Variants in PRKAB1 observed in about 807,000 individuals in gnomAD.
PRKAB1 encodes protein kinase AMP-activated non-catalytic subunit beta 1.
A neutral mutation model predicts 32.0 loss-of-function variants in PRKAB1; 18 were observed. That is an observed-to-expected ratio of 0.56 (90% confidence interval 0.39 to 0.83). PRKAB1 has a LOEUF of 0.83. Ranked by LOEUF, PRKAB1 falls within the 40% of genes least tolerant of loss-of-function variation. The probability of loss-of-function intolerance (pLI) is 0.00; values close to 1 mark genes in which losing one functional copy is unlikely to be tolerated. For missense variants in PRKAB1, 263 were observed against 352.6 expected, an observed-to-expected ratio of 0.75 and a Z score of 2.03; for synonymous variants, 141 against 141.4, an observed-to-expected ratio of 1.00 and a Z score of 0.02.
In PRKAB1 at chr12:119,671,082, G is replaced by A. The variant is rs577376155; in HGVS notation, c.160-1219G>A. Among the ~76,000 whole-genome samples, 7 of 152,232 alleles carry A rather than the reference G, an allele frequency of 4.6e-5. 1 individual carries two copies. Among genetic ancestry groups the A allele is most frequent in the African/African-American group, 1.7e-4 (7 of 41,526 alleles). ...TTATTCTGGAATACCTCAGTTATAC[G>A]GAGCTTACCACACTGGAGGTTATCA... On this transcript the variant is annotated intron_variant, in intron 1 of 6. Transcript: ENST00000229328.
Position 119,679,644 on chromosome 12 carries a change from C to A in PRKAB1, c.667-289C>A. 1 of 439,042 alleles carries A rather than the reference C, an allele frequency of 2.3e-6. No individual in the cohort carries two copies. Among genetic ancestry groups the A allele is most frequent in the South Asian group, 2.1e-5 (1 of 47,236 alleles). The allele number at this position is 439,042 out of a possible 1,614,324, so 27.2% of individuals were successfully genotyped here. The stretch of plus-strand genomic sequence containing the variant: ...AGCTGCTTTCTTCCTGCCCCACCCT[C>A]CATAAGAGGACAGGGCCGTGGCCCA... On this transcript the variant is annotated intron_variant, in intron 5 of 6. Coordinates refer to ENST00000229328, the MANE Select transcript of PRKAB1 (RefSeq NM_006253.5). This position sits in a 1 kb window ranked among gnomAD's most constrained non-coding sequence, Gnocchi z 4.1.
rs1008390638 is a variant in PRKAB1 at position 119,679,662 on chromosome 12, G to A, written c.667-271G>A. The A allele has an allele frequency of 2.3e-5, 11 of 469,544 alleles. No homozygotes were observed. Among genetic ancestry groups the A allele is most frequent in the Admixed American group, 6.7e-5 (2 of 29,824 alleles). 29.1% of individuals were successfully genotyped at this position (469,544 alleles called of 1,614,324 possible). On this transcript the variant is annotated intron_variant, in intron 5 of 6. Coordinates refer to ENST00000229328, the MANE Select transcript of PRKAB1 (RefSeq NM_006253.5). The surrounding 1 kb of genome is among the most constrained non-coding windows in gnomAD (Gnocchi z 4.1). Reference sequence around the variant, plus strand: ...CCACCCTCCATAAGAGGACAGGGCCGTGGCCCACACTTGAAAGAGGCCGGG... The same window carrying A: ...CCACCCTCCATAAGAGGACAGGGCCATGGCCCACACTTGAAAGAGGCCGGG...
rs1335485675 is a variant in PRKAB1 at position 119,679,684 on chromosome 12, C to T, written c.667-249C>T. On this transcript the variant is annotated intron_variant, in intron 5 of 6. Transcript: ENST00000229328. The surrounding 1 kb of genome is among the most constrained non-coding windows in gnomAD (Gnocchi z 4.1). Reference sequence around the variant, plus strand: ...GCCGTGGCCCACACTTGAAAGAGGCCGGGGTAAATGCCTGGCCAGAGACAC... The same window carrying T: ...GCCGTGGCCCACACTTGAAAGAGGCTGGGGTAAATGCCTGGCCAGAGACAC... The T allele has an allele frequency of 9.9e-6, 5 of 503,770 alleles. No homozygotes were observed. The highest frequency in any genetic ancestry group is 4.0e-5 in the South Asian group (2 of 49,566). 31.2% of individuals were successfully genotyped at this position (503,770 alleles called of 1,614,324 possible). A position where few individuals can be genotyped will look rare whatever the true frequency, so the allele number is the denominator to read the frequency against.
rs1955407753 is a variant in PRKAB1, at chr12:119,674,341, C to T, written c.419C>T (p.Pro140Leu). The T allele has an allele frequency of 6.2e-7, 1 of 1,609,188 alleles. No homozygotes were observed. The highest frequency in any genetic ancestry group is 8.5e-7 in the Non-Finnish European group (1 of 1,175,700). ...TTCTGCCTATCTGTCTCTTCCCAGCCCATAGTAACCAGCCAGCTTGGCACA... is the reference window on the plus strand; with the variant it reads ...TTCTGCCTATCTGTCTCTTCCCAGCTCATAGTAACCAGCCAGCTTGGCACA... The part of the protein sequence containing the change: ...DGQWTHDPSE[P>L]IVTSQLGTVN... Residue 140 changes from proline to leucine, a missense_variant and splice_region_variant, in exon 4 of 7, where the codon CCC becomes CTC. Transcript: ENST00000229328. This position sits in a 1 kb window ranked among gnomAD's most constrained non-coding sequence, Gnocchi z 4.3.
chr12:119,677,387 G>C (rs1955433197), intron 5 of PRKAB1: 1 of 152,298 alleles, frequency 6.6e-6, no homozygotes, highest in African/African-American at 2.4e-5. Flanking sequence ...GTGTACACAT[G>C]CAGGTGTCCC....
chr12:119,668,090 G>A (rs1334077102), upstream of PRKAB1: 5 of 980,870 alleles, frequency 5.1e-6, no homozygotes, highest in Admixed American at 1.6e-4. Context: ...CGACTCAGCC[G>A]GAACCGGCTC....
At chr12:119,680,037 C>G (rs1565877666) in intron 6 of PRKAB1, 36 bp downstream of exon 6, 1 of 1,593,728 alleles carries the variant, frequency 6.3e-7, no homozygotes, top group Non-Finnish European at 8.6e-7. Flanking sequence ...AGCTGTGTTG[C>G]CCAGTGTGTG....
chr12:119,668,502 C>A, intron 1 of PRKAB1, 99 bp downstream of exon 1: 1 of 1,464,116 alleles, frequency 6.8e-7, no homozygotes, highest in African/African-American at 1.4e-5. Flanking sequence ...AACACCAGAA[C>A]GGAGAGGGAG....
chr12:119,672,381 G>A lies in PRKAB1; in HGVS notation c.240G>A (p.Thr80=), dbSNP rs781479743. 6.2e-6 allele frequency: 10 copies of A among 1,612,696 alleles called. No individual in the cohort carries two copies. Among genetic ancestry groups the A allele is most frequent in the East Asian group, 2.2e-5 (1 of 44,808 alleles). The change falls in exon 2 of 7, where the codon ACG becomes ACA. Residue 80 remains threonine (T), a synonymous_variant. Coordinates refer to ENST00000229328, the MANE Select transcript of PRKAB1 (RefSeq NM_006253.5). ...AAGCTCCCGCCCAGGCTCGGCCAAC[G>A]GTGTTTCGATGGACGGGGGGCGGAA... ...NDKAPAQARP[T]VFRWTGGGKE...
intron 6 of PRKAB1, 47 bp downstream of exon 6, chr12:119,680,048 C>A: frequency 6.3e-7 from 1 of 1,578,544 alleles, no homozygotes; most frequent in Non-Finnish European, 8.7e-7. Context: ...CCAGTGTGTG[C>A]TCTGAGGACC....
chr12:119,672,502 A>G (rs1377395959), intron 2 of PRKAB1, 38 bp downstream of exon 2: 2 of 1,458,554 alleles, frequency 1.4e-6, no homozygotes, highest in Non-Finnish European at 9.1e-7. Flanking sequence ...TTGTCTTAAC[A>G]TAAATTCTCT....
intron 2 of PRKAB1, 178 bp from the exon 3 acceptor site, chr12:119,673,786 T>C (rs982103746): frequency 5.6e-6 from 3 of 534,878 alleles, no homozygotes; most frequent in South Asian, 2.7e-5. Flanking sequence ...TGCTTCCTTA[T>C]AGCCTTTTCA....
At chr12:119,673,751 T>C (rs953456872) in intron 2 of PRKAB1, 1 of 436,596 alleles carries the variant, frequency 2.3e-6, no homozygotes, top group African/African-American at 2.0e-5. Flanking sequence ...GTAAGGTGAG[T>C]TTTCAGGAAA....
At position 119,674,004 on chromosome 12, in the gene PRKAB1, G is replaced by C. The variant is rs758310763; in HGVS notation, c.364G>C (p.Glu122Gln). The stretch of plus-strand genomic sequence containing the variant: ...AGCCATCCTGGATCTGCCGGAAGGA[G>C]AGCATCAGTACAAGTTCTTTGTGGA... The part of the protein sequence containing the change: ...FVAILDLPEG[E>Q]HQYKFFVDGQ... The change falls in exon 3 of 7, where the codon GAG becomes CAG. Residue 122 changes from glutamate to glutamine, a missense_variant. Transcript: ENST00000229328. This position sits in a 1 kb window ranked among gnomAD's most constrained non-coding sequence, Gnocchi z 4.3. 6.2e-7 allele frequency: 1 copy of C among 1,614,062 alleles called. No individual in the cohort carries two copies. Among genetic ancestry groups the C allele is most frequent in the Admixed American group, 1.7e-5 (1 of 60,002 alleles).
intron 4 of PRKAB1, among the ~76,000 whole-genome samples, chr12:119,675,686 T>G (rs1465231446): frequency 6.6e-6 from 1 of 152,252 alleles, no homozygotes; most frequent in Non-Finnish European, 1.5e-5. Context: ...CTCAGTTTTC[T>G]GCACTTCATG....
At position 119,679,880 on chromosome 12, in the gene PRKAB1, G is replaced by T; in HGVS notation, c.667-53G>T. 6.4e-7 allele frequency: 1 copy of T among 1,566,088 alleles called. No individual in the cohort carries two copies. The highest frequency in any genetic ancestry group is 8.8e-7 in the Non-Finnish European group (1 of 1,136,530). On this transcript the variant is annotated intron_variant, in intron 5 of 6. Coordinates refer to ENST00000229328, the MANE Select transcript of PRKAB1 (RefSeq NM_006253.5). The surrounding 1 kb of genome is among the most constrained non-coding windows in gnomAD (Gnocchi z 4.1). ...ATCTGGCACTGGGAAGTAAAGGGGA[G>T]AATCTTGGTTTCCAAATCCCAAATG... is the stretch of plus-strand genomic sequence containing the variant.
intron 1 of PRKAB1, 42 bp from the exon 2 acceptor site, chr12:119,672,259 G>A: frequency 1.3e-6 from 2 of 1,538,944 alleles, no homozygotes; most frequent in Non-Finnish European, 8.8e-7. Context: ...CTGTTGTAGG[G>A]AGCTCGCTTA....
rs763755723 is a variant in PRKAB1, at chr12:119,676,601, C to G, written c.597C>G (p.Arg199=). The G allele has an allele frequency of 1.2e-6, 2 of 1,614,024 alleles. No homozygotes were observed. Among genetic ancestry groups the G allele is most frequent in the Non-Finnish European group, 1.7e-6 (2 of 1,179,874 alleles). ...CCTACGTCTGCAAACCCGAAGAGCGCTTTCGGGCACCCCCTATTCTCCCCC... is the reference window on the plus strand; with the variant it reads ...CCTACGTCTGCAAACCCGAAGAGCGGTTTCGGGCACCCCCTATTCTCCCCC... ...QEPYVCKPEE[R]FRAPPILPPH... The change falls in exon 5 of 7, where the codon CGC becomes CGG. Residue 199 remains arginine, a synonymous_variant. Coordinates refer to ENST00000229328, the MANE Select transcript of PRKAB1 (RefSeq NM_006253.5).
In PRKAB1 at chr12:119,674,515, AC is replaced by A; in HGVS notation, c.532+62del. The A allele has an allele frequency of 3.2e-6, 4 of 1,249,968 alleles. No homozygotes were observed. In the South Asian group the frequency reaches 5.5e-5, roughly 17 times the overall value. 77.4% of individuals were successfully genotyped at this position (1,249,968 alleles called of 1,614,324 possible). A position where few individuals can be genotyped will look rare whatever the true frequency, so the allele number is the denominator to read the frequency against. ...GGTGGGGGCTGTACAGTCTAGACAT[AC>A]TCTTGTTTCTCTTGCCTCTCTTGAG... On this transcript the variant is annotated intron_variant, in intron 4 of 6. Transcript: ENST00000229328. The surrounding 1 kb of genome is among the most constrained non-coding windows in gnomAD (Gnocchi z 4.3).
Sources: gnomAD v4.1 joint callset for allele counts (sites outside exome capture counted in the v4.1 genomes callset) on GRCh38, gnomAD v4.1.1 for gene constraint, Gnocchi (gnomAD v3.1) non-coding constraint, MANE v1.5 for transcripts, NCBI Gene and HGNC (gene_info 2026-07-23, HGNC 2026-07-21) for gene names.